Variants in HEXD observed in about 807,000 individuals in gnomAD.
The protein encoded by HEXD is hexosaminidase D, also known as N-acetyl-beta-galactosaminidase.
HEXD carries 47 observed loss-of-function variants against 54.2 expected under a neutral mutation model. That is an observed-to-expected ratio of 0.87 (90% confidence interval 0.69 to 1.11). The LOEUF (loss-of-function observed/expected upper bound fraction) is 1.11, where lower values mean the gene tolerates loss of function less well. Ranked by LOEUF, HEXD falls within the 50% of genes least tolerant of loss-of-function variation. The probability of loss-of-function intolerance (pLI) is 0.00; values close to 1 mark genes in which losing one functional copy is unlikely to be tolerated. For synonymous variants in HEXD, 293 were observed against 287.6 expected (o/e 1.02, Z -0.19); for missense variants, 576 against 649.2 (o/e 0.89, Z 1.23).
intron 6 of HEXD, among the ~76,000 whole-genome samples, 182 bp from the exon 7 acceptor site, chr17:82,436,485 G>A (rs567743145): frequency 2.0e-5 from 3 of 152,246 alleles, no homozygotes; most frequent in Non-Finnish European, 4.4e-5. Context: ...TCCAGCGGGC[G>A]CTGGCTTGGA....
chr17:82,429,455 G>A (rs1209878519), intron 4 of HEXD, among the ~76,000 whole-genome samples: 1 of 152,044 alleles, frequency 6.6e-6, no homozygotes, highest in Non-Finnish European at 1.5e-5. Context: ...TTCTGGGCGT[G>A]CCACCGGAGT....
At chr17:82,439,947 G>C in intron 9 of HEXD, 2 of 1,507,272 alleles carry the variant, frequency 1.3e-6, no homozygotes, top group Non-Finnish European at 1.8e-6. Flanking sequence ...AGTGACGCGG[G>C]AGGCACCCCT....
At chr17:82,428,519 G>A in intron 3 of HEXD, 39 bp from the exon 4 acceptor site, 1 of 1,567,876 alleles carries the variant, frequency 6.4e-7, no homozygotes, top group Non-Finnish European at 8.8e-7. Context: ...GTCACGTGCT[G>A]CTCACATGAC....
chr17:82,437,050 G>C, intron 7 of HEXD, 118 bp from the exon 8 acceptor site: 1 of 897,940 alleles, frequency 1.1e-6, no homozygotes, highest in South Asian at 1.6e-5. Context: ...ACTGAGACCC[G>C]GGCCTGGCTG....
In HEXD at chr17:82,439,892, G is replaced by A. The variant is rs2379233; in HGVS notation, c.982+179G>A. On this transcript the variant is annotated intron_variant, in intron 9 of 12. Coordinates refer to ENST00000327949, the MANE Select transcript of HEXD (RefSeq NM_001330542.2). ...CCTGCCCTGAAGTCCACCCAGGCTG[G>A]GCCTGTGTCTGGGTCTCCAGGCCTA... is the stretch of plus-strand genomic sequence containing the variant. The A allele has an allele frequency of 4.3e-4, 658 of 1,531,890 alleles. 3 individuals are homozygous for A. The Admixed American group carries it at 6.7e-3, about 16-fold the overall frequency. 94.9% of individuals were successfully genotyped at this position (1,531,890 alleles called of 1,614,324 possible). A position where few individuals can be genotyped will look rare whatever the true frequency, so the allele number is the denominator to read the frequency against.
chr17:82,433,444 T>C (rs2053669128), intron 4 of HEXD, among the ~76,000 whole-genome samples: 1 of 151,362 alleles, frequency 6.6e-6, no homozygotes, highest in Non-Finnish European at 1.5e-5. Context: ...TTCCATGGGG[T>C]TTCACCAGTT....
chr17:82,425,274 G>A (rs1488892903), intron 3 of HEXD, among the ~76,000 whole-genome samples: 1 of 149,372 alleles, frequency 6.7e-6, no homozygotes, highest in East Asian at 2.0e-4. Context: ...GAGAAGGCTG[G>A]GCTAGAGGTT....
At chr17:82,438,367 T>C (rs1171039129) in intron 8 of HEXD, among the ~76,000 whole-genome samples, 1 of 152,230 alleles carries the variant, frequency 6.6e-6, no homozygotes, top group African/African-American at 2.4e-5. Context: ...ATGCCAGGAC[T>C]GTCGGCTGTT....
intron 4 of HEXD, among the ~76,000 whole-genome samples, chr17:82,431,738 T>C (rs1331025173): frequency 6.6e-6 from 1 of 152,126 alleles, no homozygotes; most frequent in Non-Finnish European, 1.5e-5. Flanking sequence ...TTACAATATA[T>C]TCATAGTAGT....
At chr17:82,439,372 T>C (rs2053861629) in intron 8 of HEXD, 1 of 946,862 alleles carries the variant, frequency 1.1e-6, no homozygotes, top group African/African-American at 1.8e-5. Context: ...AGAATTCCCA[T>C]GGCTCCGGAG....
At position 82,441,149 on chromosome 17, in the gene HEXD, G is replaced by C. The variant is rs970321146; in HGVS notation, c.1062-16G>C. 14 of 1,613,336 alleles carry C rather than the reference G, an allele frequency of 8.7e-6. No homozygotes were observed. Among genetic ancestry groups the C allele is most frequent in the Non-Finnish European group, 1.2e-5 (14 of 1,179,996 alleles). ...CCGCCCGTGGAGACAGCTGTTCTCA[G>C]CAGGGCTCTCCGCAGGGAGGGGGCC... On this transcript the variant is annotated splice_polypyrimidine_tract_variant and intron_variant, in intron 10 of 12. Coordinates refer to ENST00000327949, the MANE Select transcript of HEXD (RefSeq NM_001330542.2).
intron 2 of HEXD, among the ~76,000 whole-genome samples, chr17:82,421,056 A>C (rs1323010045): frequency 1.3e-5 from 2 of 151,634 alleles, no homozygotes; most frequent in East Asian, 3.8e-4. Flanking sequence ...GGAAACTCCA[A>C]CAGTGCTATG....
chr17:82,442,480 C>T lies in HEXD; in HGVS notation c.*96C>T. On this transcript the variant is annotated 3_prime_UTR_variant, in exon 13 of 13. Transcript: ENST00000327949. This position sits in a 1 kb window ranked among gnomAD's most constrained non-coding sequence, Gnocchi z 6.8. Reference sequence around the variant, plus strand: ...ATACGGGCCCACGTGGGCGTCGTGCCCTCTGGCCCAGCAGTGTCTTGCCCA... The same window carrying T: ...ATACGGGCCCACGTGGGCGTCGTGCTCTCTGGCCCAGCAGTGTCTTGCCCA... The T allele has an allele frequency of 6.2e-7, 1 of 1,605,364 alleles. No homozygotes were observed. The highest frequency in any genetic ancestry group is 1.1e-5 in the South Asian group (1 of 90,972).
rs373838940 is a variant in HEXD at position 82,435,790 on chromosome 17, C to T, written c.549C>T (p.Ser183=). The T allele has an allele frequency of 3.2e-5, 52 of 1,612,656 alleles. No homozygotes were observed. The highest frequency in any genetic ancestry group is 1.6e-4 in the East Asian group (7 of 44,880). ...LCLSHMRAVA[S]GVKARRPSVT... is the part of the protein sequence containing the mutation. ...TGTCACACATGCGGGCGGTGGCCAGCGGCGTGAAGGCCCGGCGCCCCAGCG... is the reference window on the plus strand; with the variant it reads ...TGTCACACATGCGGGCGGTGGCCAGTGGCGTGAAGGCCCGGCGCCCCAGCG... The change falls in exon 6 of 13, where the codon AGC becomes AGT. Residue 183 remains serine (S), a synonymous_variant. Transcript: ENST00000327949.
At chr17:82,432,874 T>A (rs147390785) in intron 4 of HEXD, among the ~76,000 whole-genome samples, 2 of 146,596 alleles carry the variant, frequency 1.4e-5, no homozygotes, top group Non-Finnish European at 1.5e-5. Context: ...CCATCCTGGC[T>A]AACACGGTGA....
rs545326137 is a variant in HEXD, at chr17:82,431,925, G to A, written c.283-1733G>A. 6.6e-5 allele frequency among the ~76,000 whole-genome samples: 10 copies of A among 152,272 alleles called. No individual in the cohort carries two copies. The South Asian group carries it at 2.1e-3, about 32-fold the overall frequency. Reference sequence around the variant, plus strand: ...ACTCTTTTCCCCAGTGGCTGGTGGTGGTCTTTTTGTTGTTTTCTAGCAAAT... The same window carrying A: ...ACTCTTTTCCCCAGTGGCTGGTGGTAGTCTTTTTGTTGTTTTCTAGCAAAT... On this transcript the variant is annotated intron_variant, in intron 4 of 12. Coordinates refer to ENST00000327949, the MANE Select transcript of HEXD (RefSeq NM_001330542.2).
chr17:82,428,523 A>G (rs755003310), intron 3 of HEXD, 35 bp from the exon 4 acceptor site: 19 of 1,594,658 alleles, frequency 1.2e-5, no homozygotes, highest in Non-Finnish European at 1.6e-5. Context: ...CGTGCTGCTC[A>G]CATGACCCTC....
rs2054002671 is a variant in HEXD, at chr17:82,442,124, G to C, written c.1254-53G>C. On this transcript the variant is annotated intron_variant, in intron 12 of 12. Transcript: ENST00000327949. The surrounding 1 kb of genome is among the most constrained non-coding windows in gnomAD (Gnocchi z 6.8). ...ACAGGGCAGTACTGACCATGGGGCT[G>C]AGGGCAAGTCCCAAGTGTGCAGACT... The C allele has an allele frequency of 3.8e-6, 6 of 1,562,712 alleles. No individual in the cohort carries two copies. In the East Asian group the frequency reaches 9.0e-5, roughly 24 times the overall value.
intron 8 of HEXD, among the ~76,000 whole-genome samples, chr17:82,438,224 CA>C (rs970763793): frequency 1.3e-5 from 2 of 151,126 alleles, no homozygotes; most frequent in Admixed American, 1.3e-4. Context: ...GGCGACAGAG[CA>C]AAACTCTGTC....
Sources: gnomAD v4.1 joint callset for allele counts (sites outside exome capture counted in the v4.1 genomes callset) on GRCh38, gnomAD v4.1.1 for gene constraint, Gnocchi (gnomAD v3.1) non-coding constraint, MANE v1.5 for transcripts, NCBI Gene and HGNC (gene_info 2026-07-23, HGNC 2026-07-21) for gene names.